The following ANK3 variants were observed in gnomAD, a reference collection of about 807,000 sequenced individuals.
The protein encoded by ANK3 is ankyrin-3.
A neutral mutation model predicts 370.9 loss-of-function variants in ANK3; 57 were observed. That is an observed-to-expected ratio of 0.15 (90% CI 0.12 to 0.19). ANK3 has a LOEUF of 0.19. ANK3 is among the 10% of genes least tolerant of loss of function. The probability of loss-of-function intolerance (pLI) is 1.00; values close to 1 mark genes in which losing one functional copy is unlikely to be tolerated. For synonymous variants in ANK3, 1,929 were observed against 1,946.3 expected (o/e 0.99, Z 0.23); for missense variants, 4,439 against 5,302.1 (o/e 0.84, Z 5.06).
intron 2 of ANK3, among the ~76,000 whole-genome samples, chr10:60,402,687 C>T (rs2063375622): frequency 6.6e-6 from 1 of 152,198 alleles, no homozygotes. Flanking sequence ...GGAACATGGC[C>T]AAGCTACCAT....
At chr10:60,216,181 T>A (rs576762020) in intron 8 of ANK3, among the ~76,000 whole-genome samples, 2 of 152,088 alleles carry the variant, frequency 1.3e-5, no homozygotes, top group South Asian at 4.1e-4. Context: ...GATGGTGGAG[T>A]TTTTTAAATA....
In ANK3 at chr10:60,389,753, C is replaced by T. The variant is rs1391268031; in HGVS notation, c.-215G>A. 3 of 1,401,336 alleles carry T rather than the reference C, an allele frequency of 2.1e-6. No individual in the cohort carries two copies. Among genetic ancestry groups the T allele is most frequent in the East Asian group, 5.3e-5 (2 of 37,438 alleles). 86.8% of individuals were successfully genotyped at this position (1,401,336 alleles called of 1,614,324 possible). On this transcript the variant is annotated 5_prime_UTR_variant, in exon 1 of 44. Transcript: ENST00000280772. The stretch of plus-strand genomic sequence containing the variant: ...TCCGGACTTCATCCTACACCTTCCT[C>T]TACCTGAACCTTTACAGGAGAGTGC...
chr10:60,486,031 A>G (rs1362344431), intron 2 of ANK3, among the ~76,000 whole-genome samples: 2 of 152,020 alleles, frequency 1.3e-5, no homozygotes, highest in African/African-American at 4.8e-5. Context: ...TCAAAGAAAA[A>G]CTTCCCTCAA....
chr10:60,518,744 A>T (rs1206702924), intron 2 of ANK3, among the ~76,000 whole-genome samples: 2 of 152,160 alleles, frequency 1.3e-5, no homozygotes, highest in Non-Finnish European at 2.9e-5. Context: ...TAATGACAGG[A>T]AAACTATTTT....
chr10:60,348,389 C>T (rs1033848397), intron 1 of ANK3, among the ~76,000 whole-genome samples: 2 of 120,450 alleles, frequency 1.7e-5, no homozygotes, highest in Non-Finnish European at 3.6e-5. Context: ...ACAAAAAAAA[C>T]GAACTAACTG....
At chr10:60,490,939 C>A (rs1251902648) in intron 2 of ANK3, among the ~76,000 whole-genome samples, 2 of 152,208 alleles carry the variant, frequency 1.3e-5, no homozygotes, top group African/African-American at 4.8e-5. Flanking sequence ...CCAGTAAATT[C>A]TGCCTCACAT....
chr10:60,565,455 G>A (rs558195597), intron 2 of ANK3, among the ~76,000 whole-genome samples: 1 of 152,306 alleles, frequency 6.6e-6, no homozygotes, highest in Non-Finnish European at 1.5e-5. Flanking sequence ...CGTCACAGGG[G>A]TTGGGGACCC....
intron 1 of ANK3, among the ~76,000 whole-genome samples, chr10:60,380,547 T>A (rs987698583): frequency 2.0e-5 from 3 of 152,142 alleles, no homozygotes; most frequent in African/African-American, 7.2e-5. Flanking sequence ...GAAAATAATA[T>A]CCATGCCATG....
chr10:60,121,879 T>G (rs1322130290), intron 25 of ANK3, among the ~76,000 whole-genome samples: 1 of 152,198 alleles, frequency 6.6e-6, no homozygotes, highest in East Asian at 1.9e-4. Flanking sequence ...ACTGCATGCC[T>G]GTATAAAAAT....
At chr10:60,587,958 C>T (rs559900475) in intron 2 of ANK3, among the ~76,000 whole-genome samples, 1 of 151,866 alleles carries the variant, frequency 6.6e-6, no homozygotes, top group Non-Finnish European at 1.5e-5. Flanking sequence ...CTGCTAAACC[C>T]ATTAGCTGAA....
intron 36 of ANK3, among the ~76,000 whole-genome samples, chr10:60,076,748 G>A (rs2083929054): frequency 6.6e-6 from 1 of 152,072 alleles, no homozygotes; most frequent in Admixed American, 6.6e-5. Flanking sequence ...TAGAAAACAT[G>A]AGGAAAGAAT....
chr10:60,493,414 G>A (rs1008070077), intron 2 of ANK3, among the ~76,000 whole-genome samples: 5 of 152,118 alleles, frequency 3.3e-5, no homozygotes, highest in Non-Finnish European at 7.3e-5. Context: ...GCAACATGGA[G>A]AGGAGGAGAA....
intron 23 of ANK3, among the ~76,000 whole-genome samples, chr10:60,144,648 T>A (rs1000777442): frequency 6.6e-6 from 1 of 152,126 alleles, no homozygotes; most frequent in Non-Finnish European, 1.5e-5. Flanking sequence ...TCCTACACCA[T>A]AATCAACCAT....
rs775760681 is a variant in ANK3 at position 60,074,530 on chromosome 10, T to C, written c.6351A>G (p.Gln2117=). 1.9e-6 allele frequency: 3 copies of C among 1,613,662 alleles called. No individual in the cohort carries two copies. The highest frequency in any genetic ancestry group is 1.3e-5 in the African/African-American group (1 of 74,884). The change falls in exon 37 of 44, where the codon CAA becomes CAG. Residue 2117 remains glutamine, a synonymous_variant. Transcript: ENST00000280772. ...TILESPDDFS[Q]HDQDKSPLSD... is the part of the protein sequence containing the mutation. ...ACAAGGGACTTTTATCTTGGTCGTG[T>C]TGAGAAAAGTCATCAGGAGACTCTA...
intron 7 of ANK3, among the ~76,000 whole-genome samples, chr10:60,255,022 G>C (rs936863955): frequency 6.6e-6 from 1 of 152,176 alleles, no homozygotes; most frequent in African/African-American, 2.4e-5. Flanking sequence ...ATCTGCATGT[G>C]AGATGAAAAA....
intron 1 of ANK3, among the ~76,000 whole-genome samples, chr10:60,704,131 T>A (rs1222882033): frequency 6.6e-6 from 1 of 152,212 alleles, no homozygotes; most frequent in Non-Finnish European, 1.5e-5. Context: ...GCCTCTTATA[T>A]CTTATTGCCT....
chr10:60,631,423 T>C lies in ANK3; in HGVS notation c.58-16199A>G, dbSNP rs560213118. 8.6e-5 allele frequency among the ~76,000 whole-genome samples: 13 copies of C among 151,912 alleles called. No individual in the cohort carries two copies. The South Asian group carries it at 2.7e-3, about 32-fold the overall frequency. ...GGTGCGTGCCTCTAGTCCCAGCCACTTGGGAGGCTGCGGCACGAGAATTGC... is the reference window on the plus strand; with the variant it reads ...GGTGCGTGCCTCTAGTCCCAGCCACCTGGGAGGCTGCGGCACGAGAATTGC... On this transcript the variant is annotated intron_variant, in intron 1 of 43. Coordinates refer to the ANK3 transcript ENST00000373827.
At chr10:60,583,545 C>G (rs2077787846) in intron 2 of ANK3, among the ~76,000 whole-genome samples, 1 of 127,440 alleles carries the variant, frequency 7.8e-6, no homozygotes, top group Non-Finnish European at 1.6e-5. Flanking sequence ...GAGGTGGAAT[C>G]TCGTTCTGTC....
At chr10:60,251,246 C>T (rs2097659992) in intron 7 of ANK3, among the ~76,000 whole-genome samples, 1 of 152,152 alleles carries the variant, frequency 6.6e-6, no homozygotes, top group African/African-American at 2.4e-5. Flanking sequence ...CTGAACAGAG[C>T]CTCAGGGTCT....
Sources: gnomAD v4.1 joint callset for allele counts (sites outside exome capture counted in the v4.1 genomes callset) on GRCh38, gnomAD v4.1.1 for gene constraint, MANE v1.5 for transcripts, NCBI Gene and HGNC (gene_info 2026-07-23, HGNC 2026-07-21) for gene names.